Variants in KAT14 observed in about 807,000 individuals in gnomAD.
KAT14 encodes the protein cysteine-rich protein 2-binding protein.
In KAT14, 66 loss-of-function variants were observed where a neutral mutation model predicts 78.4. That is an observed-to-expected ratio of 0.84 (90% CI 0.69 to 1.03). The LOEUF is 1.03. Among genes scored for constraint, KAT14 ranks in the 50% least tolerant of loss-of-function variants. The pLI is 0.00. For missense variants in KAT14, 870 were observed against 972.5 expected (o/e 0.89, Z 1.40); for synonymous variants, 344 against 359.4 (o/e 0.96, Z 0.48).
intron 5 of KAT14, among the ~76,000 whole-genome samples, chr20:18,160,806 A>G (rs2038391223): frequency 6.6e-6 from 1 of 152,090 alleles, no homozygotes; most frequent in African/African-American, 2.4e-5. Context: ...AAAATGTGAT[A>G]AATTCCTGGA....
In KAT14 at chr20:18,143,638, T is replaced by A. The variant is rs1207396250; in HGVS notation, c.259+719T>A. Among the ~76,000 whole-genome samples the A allele has an allele frequency of 6.2e-4, 92 of 148,450 alleles. 4 individuals carry two copies. Among genetic ancestry groups the A allele is most frequent in the African/African-American group, 1.9e-3 (75 of 40,508 alleles). On this transcript the variant is annotated intron_variant, in intron 2 of 10. Coordinates refer to ENST00000688188, the MANE Select transcript of KAT14 (RefSeq NM_001392073.1). The stretch of plus-strand genomic sequence containing the variant: ...TAATTTTTTTTTTTATTTTATTTTT[T>A]TTTTTTGAGACGGAGTTTTCCTCTT...
At position 18,145,488 on chromosome 20, in the gene KAT14, C is replaced by T. The variant is rs907354637; in HGVS notation, c.378+137C>T. 55 of 1,312,462 alleles carry T rather than the reference C, an allele frequency of 4.2e-5. 1 individual carries two copies. Among genetic ancestry groups the T allele is most frequent in the Admixed American group, 2.2e-4 (10 of 44,578 alleles). 81.3% of individuals were successfully genotyped at this position (1,312,462 alleles called of 1,614,324 possible). A position where few individuals can be genotyped will look rare whatever the true frequency, so the allele number is the denominator to read the frequency against. On this transcript the variant is annotated intron_variant, in intron 3 of 10. Transcript: ENST00000688188. ...TTTATTTCGCAATGAAATTAGATAC[C>T]GAATATGTGGAGAAGGGAGTGAAAA...
At chr20:18,155,885 T>C (rs1020630337) in intron 4 of KAT14, among the ~76,000 whole-genome samples, 1 of 152,218 alleles carries the variant, frequency 6.6e-6, no homozygotes. Flanking sequence ...ATTTCACTTC[T>C]GGGTATATAC....
At chr20:18,155,402 G>T (rs2038191584) in intron 4 of KAT14, among the ~76,000 whole-genome samples, 2 of 152,154 alleles carry the variant, frequency 1.3e-5, no homozygotes, top group South Asian at 2.1e-4. Context: ...AGAAAGCTGT[G>T]TGTGTGTTCC....
At chr20:18,139,055 T>A (rs2037418424) in intron 1 of KAT14, among the ~76,000 whole-genome samples, 2 of 152,242 alleles carry the variant, frequency 1.3e-5, no homozygotes, top group African/African-American at 4.8e-5. Context: ...ACCTTTGGAC[T>A]GTGCTATGTG....
intron 1 of KAT14, among the ~76,000 whole-genome samples, chr20:18,140,832 AAAAAC>A (rs1214713645): frequency 2.0e-5 from 3 of 149,496 alleles, no homozygotes; most frequent in Non-Finnish European, 3.0e-5. Context: ...AAAAAAAAAA[AAAAAC>A]CAATAAAACA....
chr20:18,151,001 G>A (rs545388001), intron 4 of KAT14, 59 bp downstream of exon 4: 2 of 1,589,884 alleles, frequency 1.3e-6, no homozygotes, highest in Non-Finnish European at 1.7e-6. Context: ...GAAGTATACA[G>A]GATTTGAGAC....
At chr20:18,145,042 G>A in intron 2 of KAT14, 191 bp from the exon 3 acceptor site, 1 of 1,298,634 alleles carries the variant, frequency 7.7e-7, no homozygotes, top group Non-Finnish European at 9.8e-7. Flanking sequence ...AGATCTTAGT[G>A]GGCGTATACT....
Position 18,187,474 on chromosome 20 carries a change from A to G in KAT14, c.*15A>G. ...TCCGGCGCTGATGCGAATACAGCTC[A>G]CAGAGAAACGCATGTGCTATTGGAG... On this transcript the variant is annotated 3_prime_UTR_variant, in exon 11 of 11. Transcript: ENST00000688188. 1 of 1,600,578 alleles carries G rather than the reference A, an allele frequency of 6.2e-7. No individual in the cohort carries two copies. The highest frequency in any genetic ancestry group is 2.2e-5 in the East Asian group (1 of 44,682).
intron 7 of KAT14, among the ~76,000 whole-genome samples, chr20:18,178,809 C>A (rs1053109920): frequency 1.3e-5 from 2 of 152,120 alleles, no homozygotes; most frequent in Admixed American, 6.5e-5. Context: ...CATGCCTTCC[C>A]AACAGTCCCC....
intron 5 of KAT14, 84 bp downstream of exon 5, chr20:18,159,349 T>C (rs1480383495): frequency 1.3e-6 from 2 of 1,491,920 alleles, no homozygotes; most frequent in African/African-American, 2.9e-5. Flanking sequence ...CTGCTTCCAC[T>C]GGGCATGGCT....
rs2039476952 is a variant in KAT14, at chr20:18,187,213, A to G, written c.2173-73A>G. On this transcript the variant is annotated intron_variant, in intron 10 of 10. Transcript: ENST00000688188. ...CCATAACTAACTGCCTACACTTAAA[A>G]GCGTTTCTTTACCTACTCATTTTCC... 4 of 1,516,084 alleles carry G rather than the reference A, an allele frequency of 2.6e-6. No homozygotes were observed. In the Admixed American group the frequency reaches 9.7e-5, roughly 37 times the overall value. The allele number at this position is 1,516,084 out of a possible 1,614,324, so 93.9% of individuals were successfully genotyped here. A position where few individuals can be genotyped will look rare whatever the true frequency, so the allele number is the denominator to read the frequency against.
chr20:18,138,372 T>C, intron 1 of KAT14: 1 of 1,064,536 alleles, frequency 9.4e-7, no homozygotes, highest in African/African-American at 1.7e-5. Flanking sequence ...CCAGTGGCTC[T>C]GTTTTCAAGT....
At position 18,137,940 on chromosome 20, in the gene KAT14, G is replaced by A. The variant is rs1310045976; in HGVS notation, c.-565G>A. 6.8e-6 allele frequency: 10 copies of A among 1,479,314 alleles called. No homozygotes were observed. Among genetic ancestry groups the A allele is most frequent in the Non-Finnish European group, 8.9e-6 (10 of 1,122,966 alleles). 91.6% of individuals were successfully genotyped at this position (1,479,314 alleles called of 1,614,324 possible). The stretch of plus-strand genomic sequence containing the variant: ...CGGGCGGGCGGGAGAGAGAGGCCGC[G>A]GCCGCCAGCGTGGGGATGTCTAGGA... On this transcript the variant is annotated 5_prime_UTR_variant, in exon 1 of 11. Transcript: ENST00000688188.
Position 18,142,558 on chromosome 20 carries a change from G to C in KAT14, c.-103G>C. On this transcript the variant is annotated 5_prime_UTR_variant, in exon 2 of 11. Transcript: ENST00000688188. ...AAGGAGTGTGGGCAGACACTTTTTG[G>C]AAGAGTCTGTCTGGGTGATCCTGGT... is the stretch of plus-strand genomic sequence containing the variant. 1 of 1,525,778 alleles carries C rather than the reference G, an allele frequency of 6.6e-7. No individual in the cohort carries two copies. The highest frequency in any genetic ancestry group is 1.3e-5 in the South Asian group (1 of 77,004). The allele number at this position is 1,525,778 out of a possible 1,614,324, so 94.5% of individuals were successfully genotyped here.
At position 18,162,692 on chromosome 20, in the gene KAT14, A is replaced by G. The variant is rs937679347; in HGVS notation, c.1415A>G (p.Lys472Arg). ...VSIYEEKLLLKRLEACPGAVA... is the reference protein window; with the variant it reads ...VSIYEEKLLLRRLEACPGAVA... ...ATCTACGAGGAAAAGCTGCTGCTCA[A>G]GAGGCTGGAAGCTTGTCCCGGTGCT... The change falls in exon 7 of 11, where the codon AAG (lysine) becomes AGG (arginine). Residue 472 changes from lysine (K) to arginine (R), a missense_variant. By Grantham distance (26) the Lys-to-Arg change is conservative. Transcript: ENST00000688188. The G allele has an allele frequency of 1.9e-6, 3 of 1,614,122 alleles. No homozygotes were observed. Among genetic ancestry groups the G allele is most frequent in the African/African-American group, 1.3e-5 (1 of 74,942 alleles).
chr20:18,181,861 A>G lies in KAT14; in HGVS notation c.1805+15A>G. 6.2e-7 allele frequency: 1 copy of G among 1,613,562 alleles called. No homozygotes were observed. The highest frequency in any genetic ancestry group is 8.5e-7 in the Non-Finnish European group (1 of 1,179,718). On this transcript the variant is annotated intron_variant, in intron 8 of 10. Coordinates refer to ENST00000688188, the MANE Select transcript of KAT14 (RefSeq NM_001392073.1). ...CCTTATATCAGGTATATGGAGAACT[A>G]GAGGTGTGATGTCAGGTGTGTCATG...
chr20:18,146,369 TA>T (rs1188368575), intron 3 of KAT14, among the ~76,000 whole-genome samples: 2 of 151,596 alleles, frequency 1.3e-5, no homozygotes, highest in Admixed American at 1.3e-4. Context: ...CCCGACTCTA[TA>T]AAAAACAGGC....
chr20:18,183,580 A>C, intron 9 of KAT14: 5 of 972,422 alleles, frequency 5.1e-6, no homozygotes, highest in Non-Finnish European at 6.1e-6. Flanking sequence ...TTTAGATACC[A>C]GGTAATGTCT....
Sources: gnomAD v4.1 joint callset for allele counts (sites outside exome capture counted in the v4.1 genomes callset) on GRCh38, gnomAD v4.1.1 for gene constraint, MANE v1.5 for transcripts, NCBI Gene and HGNC (gene_info 2026-07-23, HGNC 2026-07-21) for gene names.